The following ARAP2 variants were observed in gnomAD, a reference collection of about 807,000 sequenced individuals.
The protein encoded by ARAP2 is ArfGAP with RhoGAP domain, ankyrin repeat and PH domain 2.
ARAP2 carries 148 observed loss-of-function variants against 194.5 expected under a neutral mutation model. That is an observed-to-expected ratio of 0.76 (90% CI 0.67 to 0.87). The LOEUF is 0.87. ARAP2 is among the 40% of genes least tolerant of loss of function. The pLI is 0.00. For synonymous variants in ARAP2, 695 were observed against 683.5 expected (o/e 1.02, Z -0.26); for missense variants, 2,128 against 1,989.7 (o/e 1.07, Z -1.32).
At chr4:36,074,656 T>C (rs1275979380) in intron 31 of ARAP2, among the ~76,000 whole-genome samples, 1 of 152,076 alleles carries the variant, frequency 6.6e-6, no homozygotes, top group Non-Finnish European at 1.5e-5. Context: ...GAGTATAAAA[T>C]GAAAAGTTTA....
intron 9 of ARAP2, among the ~76,000 whole-genome samples, chr4:36,174,506 ACTT>A (rs1459451990): frequency 2.0e-5 from 3 of 152,182 alleles, no homozygotes; most frequent in Non-Finnish European, 4.4e-5. Context: ...GTTATTTTCC[ACTT>A]CTTCTTAAAG....
At chr4:36,133,683 G>A (rs542981424) in intron 19 of ARAP2, among the ~76,000 whole-genome samples, 13 of 151,662 alleles carry the variant, frequency 8.6e-5, no homozygotes, top group Middle Eastern at 3.4e-3. Context: ...GACTTCTGAC[G>A]GATATTTCTG....
intron 5 of ARAP2, among the ~76,000 whole-genome samples, chr4:36,021,294 T>A (rs183760666): frequency 3.3e-3 from 505 of 152,250 alleles, no homozygotes; most frequent in Middle Eastern, 0.014. Context: ...CATAATTTTT[T>A]AAAAAAATCA....
In ARAP2 at chr4:36,213,301, G is replaced by A. The variant is rs1391495146; in HGVS notation, c.983C>T (p.Ser328Leu). 1.2e-6 allele frequency: 2 copies of A among 1,606,806 alleles called. No homozygotes were observed. Among genetic ancestry groups the A allele is most frequent in the Non-Finnish European group, 1.7e-6 (2 of 1,174,064 alleles). The change falls in exon 4 of 33, where the codon TCA (serine) becomes TTA (leucine). Residue 328 changes from serine to leucine, a missense_variant. Coordinates refer to ENST00000303965, the MANE Select transcript of ARAP2 (RefSeq NM_015230.4). ...CTCTCCATAAGGAAAGATGGAAGAT[G>A]AATTCTCCTCATTTGAATCTTTTAG... is the stretch of plus-strand genomic sequence containing the variant. ...VAWQNSNEEN[S>L]SSIFPYGETF...
chr4:36,006,839 T>G (rs1193766763), intron 10 of ARAP2: 1 of 152,124 alleles, frequency 6.6e-6, no homozygotes, highest in South Asian at 2.1e-4. Context: ...TACATATATA[T>G]GTATAAAATT....
intron 31 of ARAP2, among the ~76,000 whole-genome samples, 172 bp from the exon 32 acceptor site, chr4:36,073,995 G>A (rs1727656269): frequency 6.6e-6 from 1 of 152,098 alleles, no homozygotes; most frequent in Non-Finnish European, 1.5e-5. Flanking sequence ...TCCAGGACAT[G>A]AAACTCTTAA....
intron 5 of ARAP2, among the ~76,000 whole-genome samples, chr4:36,024,654 AG>A (rs1717591865): frequency 6.6e-6 from 1 of 152,182 alleles, no homozygotes; most frequent in South Asian, 2.1e-4. Context: ...AATATTTAAA[AG>A]TAAAATATTT....
intron 26 of ARAP2, among the ~76,000 whole-genome samples, chr4:36,109,084 C>A (rs543510991): frequency 1.4e-4 from 21 of 152,030 alleles, no homozygotes; most frequent in Admixed American, 1.2e-3. Flanking sequence ...ATAAATATAT[C>A]ACATCCTCCC....
At chr4:36,107,399 A>G (rs1274515781) in intron 27 of ARAP2, among the ~76,000 whole-genome samples, 166 bp downstream of exon 27, 1 of 152,090 alleles carries the variant, frequency 6.6e-6, no homozygotes, top group Non-Finnish European at 1.5e-5. Flanking sequence ...TTGGGAAAAT[A>G]TCTTCCTGTC....
chr4:36,107,743 T>C (rs1718792629), intron 26 of ARAP2, 50 bp from the exon 27 acceptor site: 3 of 1,516,676 alleles, frequency 2.0e-6, no homozygotes, highest in African/African-American at 2.8e-5. Context: ...AGGATAACAA[T>C]TTTTTATTTT....
In ARAP2 at chr4:36,082,290, C is replaced by T. The variant is rs1385945554; in HGVS notation, c.4509-4G>A. 3 of 1,604,954 alleles carry T rather than the reference C, an allele frequency of 1.9e-6. No homozygotes were observed. The highest frequency in any genetic ancestry group is 1.7e-6 in the Non-Finnish European group (2 of 1,176,612). On this transcript the variant is annotated splice_region_variant and splice_polypyrimidine_tract_variant and intron_variant, in intron 29 of 32. Transcript: ENST00000303965. ...AGAATATGCGGTCAATCCCCAGCTG[C>T]ATCACATAGAAAAAAAAACACACAT...
chr4:36,059,851 T>C (rs750744753), intron 1 of ARAP2, among the ~76,000 whole-genome samples: 1 of 152,120 alleles, frequency 6.6e-6, no homozygotes, highest in African/African-American at 2.4e-5. Context: ...ATTACAGTCA[T>C]GAATAAGGTT....
chr4:36,100,665 T>A (rs1171512734), intron 27 of ARAP2, among the ~76,000 whole-genome samples: 1 of 152,106 alleles, frequency 6.6e-6, no homozygotes, highest in East Asian at 1.9e-4. Flanking sequence ...CTGTATGATA[T>A]TCACTCAAAA....
chr4:36,099,227 A>T (rs187969390), intron 27 of ARAP2, among the ~76,000 whole-genome samples: 59 of 152,256 alleles, frequency 3.9e-4, no homozygotes, highest in African/African-American at 1.3e-3. Context: ...TGCTATGGAC[A>T]TGATCTCATT....
chr4:36,157,052 G>C (rs1252690655), intron 15 of ARAP2, among the ~76,000 whole-genome samples: 1 of 152,044 alleles, frequency 6.6e-6, no homozygotes, highest in Non-Finnish European at 1.5e-5. Flanking sequence ...AAGAAGACTA[G>C]TAATTTTATA....
intron 27 of ARAP2, among the ~76,000 whole-genome samples, chr4:36,104,073 T>C (rs1717729903): frequency 6.6e-6 from 1 of 151,870 alleles, no homozygotes; most frequent in African/African-American, 2.4e-5. Context: ...TTTGTGGCAA[T>C]TAGGTATCTA....
At chr4:36,007,170 A>T (rs988723677) in intron 9 of ARAP2, 8 of 152,234 alleles carry the variant, frequency 5.3e-5, no homozygotes, top group Non-Finnish European at 8.8e-5. Flanking sequence ...TTAGCTTGAT[A>T]CTTGTAAAGG....
At chr4:36,221,587 T>A (rs1749180673) in intron 2 of ARAP2, among the ~76,000 whole-genome samples, 1 of 152,114 alleles carries the variant, frequency 6.6e-6, no homozygotes, top group Non-Finnish European at 1.5e-5. Context: ...AATATTTTGT[T>A]GGTTTTACCA....
intron 5 of ARAP2, among the ~76,000 whole-genome samples, chr4:36,021,371 G>A (rs1203784596): frequency 6.6e-6 from 1 of 152,224 alleles, no homozygotes; most frequent in Non-Finnish European, 1.5e-5. Context: ...AATCCCCTCT[G>A]TTGGAGGTGG....
Sources: allele counts gnomAD v4.1 joint callset (sites outside exome capture counted in the v4.1 genomes callset), GRCh38; gene constraint gnomAD v4.1.1; transcripts MANE v1.5; gene names NCBI Gene and HGNC (gene_info 2026-07-23, HGNC 2026-07-21).